Variants in GRIA4 observed in about 807,000 individuals in gnomAD.
GRIA4 encodes glutamate receptor 4.
A neutral mutation model predicts 104.0 loss-of-function variants in GRIA4; 34 were observed. The ratio of observed to expected loss-of-function variants is 0.33; its 90% CI spans 0.25 to 0.44. GRIA4 has a LOEUF of 0.44. Among genes scored for constraint, GRIA4 ranks in the 20% least tolerant of loss-of-function variants. The pLI is 1.00. For missense variants in GRIA4, 750 were observed against 1,096.5 expected, an observed-to-expected ratio of 0.68 and a Z score of 4.46; for synonymous variants, 386 against 381.9, an observed-to-expected ratio of 1.01 and a Z score of -0.13.
chr11:105,800,724 G>C (rs963915228), intron 4 of GRIA4, among the ~76,000 whole-genome samples: 2 of 151,828 alleles, frequency 1.3e-5, no homozygotes, highest in Non-Finnish European at 2.9e-5. Context: ...TCTCGTTTTA[G>C]TTTTGCAGCA....
At chr11:105,796,298 T>C (rs1942477398) in intron 4 of GRIA4, among the ~76,000 whole-genome samples, 1 of 152,170 alleles carries the variant, frequency 6.6e-6, no homozygotes, top group Non-Finnish European at 1.5e-5. Flanking sequence ...TTCTATTTGA[T>C]CAAATCTTCA....
intron 5 of GRIA4, among the ~76,000 whole-genome samples, chr11:105,885,725 G>T (rs1278500153): frequency 6.6e-6 from 1 of 152,192 alleles, no homozygotes; most frequent in African/African-American, 2.4e-5. Flanking sequence ...AGTTTGGTGA[G>T]GAAAATATCT....
chr11:105,899,277 T>A (rs999536696), intron 7 of GRIA4, among the ~76,000 whole-genome samples: 1 of 152,218 alleles, frequency 6.6e-6, no homozygotes, highest in Admixed American at 6.5e-5. Context: ...TTCACTGCCT[T>A]ATAAAATCAC....
At chr11:105,858,765 T>G (rs559217758) in intron 4 of GRIA4, among the ~76,000 whole-genome samples, 1 of 152,272 alleles carries the variant, frequency 6.6e-6, no homozygotes, top group South Asian at 2.1e-4. Context: ...GGGAAACTTG[T>G]CTTTCTGTGC....
intron 3 of GRIA4, among the ~76,000 whole-genome samples, chr11:105,634,367 A>G (rs142395930): frequency 0.044 from 6,625 of 149,032 alleles, 231 homozygotes; most frequent in South Asian, 0.15. Context: ...AAAAAAAAAA[A>G]AAGAAGAAGA....
chr11:105,879,209 C>T (rs1022024261), intron 5 of GRIA4, among the ~76,000 whole-genome samples: 1 of 152,142 alleles, frequency 6.6e-6, no homozygotes, highest in Admixed American at 6.5e-5. Context: ...GCTCACCCTC[C>T]GTGGGCTGCA....
At chr11:105,646,937 C>T (rs976641037) in intron 3 of GRIA4, among the ~76,000 whole-genome samples, 1 of 152,154 alleles carries the variant, frequency 6.6e-6, no homozygotes, top group South Asian at 2.1e-4. Context: ...CAACTATTGA[C>T]AAAAGAGATT....
intron 3 of GRIA4, among the ~76,000 whole-genome samples, chr11:105,675,102 T>A (rs1952494102): frequency 6.6e-6 from 1 of 151,864 alleles, no homozygotes; most frequent in African/African-American, 2.4e-5. Flanking sequence ...TCATTATAGC[T>A]GAGACTCAGA....
chr11:105,673,353 GAATA>G (rs1481927539), intron 3 of GRIA4, among the ~76,000 whole-genome samples: 4 of 152,022 alleles, frequency 2.6e-5, no homozygotes, highest in African/African-American at 9.7e-5. Context: ...ACAAAACAAT[GAATA>G]AATAAAGAAA....
intron 3 of GRIA4, among the ~76,000 whole-genome samples, chr11:105,711,201 T>G (rs1385009650): frequency 6.6e-6 from 1 of 152,094 alleles, no homozygotes; most frequent in Admixed American, 6.6e-5. Flanking sequence ...TTAAAAATAT[T>G]TTTTAAAAAT....
intron 14 of GRIA4, among the ~76,000 whole-genome samples, chr11:105,943,806 TC>T (rs1565357157): frequency 6.6e-6 from 1 of 152,008 alleles, no homozygotes. Flanking sequence ...GTTTACTTTT[TC>T]CCCCCATTTT....
intron 7 of GRIA4, among the ~76,000 whole-genome samples, chr11:105,900,382 C>T (rs1219246458): frequency 6.6e-6 from 1 of 152,110 alleles, no homozygotes; most frequent in Non-Finnish European, 1.5e-5. Context: ...TTTCCAAGTG[C>T]ATGATCCTCT....
intron 9 of GRIA4, among the ~76,000 whole-genome samples, chr11:105,909,399 C>A (rs1144410): frequency 0.47 from 72,088 of 151,862 alleles, 17,163 homozygotes; most frequent in Admixed American, 0.51. Context: ...AAGTTTGTCA[C>A]GCATTAAATG....
Position 105,924,500 on chromosome 11 carries a change from C to T in GRIA4, c.1578C>T (p.Ile526=). The change falls in exon 12 of 17, where the codon ATC becomes ATT. Residue 526 remains isoleucine, a synonymous_variant. Transcript: ENST00000282499. ...TGAGTTTGGGCATATCTATCATGAT[C>T]AAAAAGCCTCAGAAATCCAAACCAG... is the stretch of plus-strand genomic sequence containing the variant. ...PFMSLGISIM[I]KKPQKSKPGV... is the part of the protein sequence containing the mutation. 2 of 1,613,194 alleles carry T rather than the reference C, an allele frequency of 1.2e-6. No homozygotes were observed. The highest frequency in any genetic ancestry group is 1.7e-6 in the Non-Finnish European group (2 of 1,179,376).
At chr11:105,928,801 G>A (rs1947792426) in intron 13 of GRIA4, among the ~76,000 whole-genome samples, 1 of 151,956 alleles carries the variant, frequency 6.6e-6, no homozygotes, top group African/African-American at 2.4e-5. Flanking sequence ...TAAGCACACT[G>A]AAAATGTGTA....
chr11:105,803,301 G>A (rs971159972), intron 4 of GRIA4, among the ~76,000 whole-genome samples: 1 of 151,896 alleles, frequency 6.6e-6, no homozygotes, highest in Non-Finnish European at 1.5e-5. Flanking sequence ...CCATGTTAGA[G>A]AGAAGAAGAC....
chr11:105,739,313 T>C (rs1164951449), intron 3 of GRIA4, among the ~76,000 whole-genome samples: 1 of 152,176 alleles, frequency 6.6e-6, no homozygotes, highest in African/African-American at 2.4e-5. Flanking sequence ...ATTAGTTTAA[T>C]TTAGAATTGA....
rs575194309 is a variant in GRIA4 at position 105,767,824 on chromosome 11, G to A, written c.487+14604G>A. Among the ~76,000 whole-genome samples, 71 of 152,122 alleles carry A rather than the reference G, an allele frequency of 4.7e-4. 2 individuals are homozygous for A. In the South Asian group the frequency reaches 0.014, roughly 31 times the overall value. On this transcript the variant is annotated intron_variant, in intron 4 of 16. Coordinates refer to ENST00000282499, the MANE Select transcript of GRIA4 (RefSeq NM_000829.4). The stretch of plus-strand genomic sequence containing the variant: ...AAAAACCTCATCCAACTTCACACAG[G>A]GAGTGGCAGTTCCAGGCTTCAAGTG...
intron 14 of GRIA4, among the ~76,000 whole-genome samples, chr11:105,963,559 C>T (rs761485834): frequency 6.6e-6 from 1 of 151,960 alleles, no homozygotes; most frequent in Non-Finnish European, 1.5e-5. Flanking sequence ...ATTGAGGGAC[C>T]ACATGTTTCT....
Sources: gnomAD v4.1 joint callset for allele counts (sites outside exome capture counted in the v4.1 genomes callset) on GRCh38, gnomAD v4.1.1 for gene constraint, MANE v1.5 for transcripts, NCBI Gene and HGNC (gene_info 2026-07-23, HGNC 2026-07-21) for gene names.